USP26: variants seen among roughly 807,000 people sequenced by gnomAD.
USP26 encodes ubiquitin carboxyl-terminal hydrolase 26.
For missense variants in USP26, 649 were observed against 642.3 expected, an observed-to-expected ratio of 1.01 and a Z score of -0.11; for synonymous variants, 236 against 240.6, an observed-to-expected ratio of 0.98 and a Z score of 0.18.
At chrX:133,038,105 G>A (rs1056986267) in intron 5 of USP26, among the ~76,000 whole-genome samples, 1 of 111,482 alleles carries the variant, frequency 9.0e-6, no homozygotes, top group African/African-American at 3.3e-5. Context: ...AATCATGTCT[G>A]CAAACAGAGA....
At position 133,057,286 on chromosome X, in the gene USP26, A is replaced by T. The variant is rs11798796; in HGVS notation, c.-77+26421T>A. On this transcript the variant is annotated intron_variant, in intron 5 of 5. Transcript: ENST00000511190. Reference sequence around the variant, plus strand: ...GAAAGTTTTAGATTTTCTAAAACTAAAACTAATATACCACAGGATCAGTAG... The same window carrying T: ...GAAAGTTTTAGATTTTCTAAAACTATAACTAATATACCACAGGATCAGTAG... Among the ~76,000 whole-genome samples the T allele has an allele frequency of 4.9e-3, 550 of 111,837 alleles. 4 individuals are homozygous for T. Among genetic ancestry groups the T allele is most frequent in the Non-Finnish European group, 8.2e-3 (438 of 53,171 alleles).
chrX:133,046,164 G>A (rs1471428827), intron 5 of USP26, among the ~76,000 whole-genome samples: 1 of 111,459 alleles, frequency 9.0e-6, no homozygotes, highest in Non-Finnish European at 1.9e-5. Flanking sequence ...GATCAATCAG[G>A]GGTTGTTTGG....
At chrX:133,053,300 G>A (rs999606200) in intron 5 of USP26, among the ~76,000 whole-genome samples, 5 of 111,647 alleles carry the variant, frequency 4.5e-5, no homozygotes, top group Admixed American at 1.9e-4. Flanking sequence ...CACTTTGGGA[G>A]GCCAAGGCGG....
intron 5 of USP26, among the ~76,000 whole-genome samples, chrX:133,071,015 G>A (rs1354758777): frequency 1.8e-5 from 2 of 110,540 alleles, no homozygotes; most frequent in South Asian, 3.9e-4. Context: ...TCAGGAGTTC[G>A]GGACCAGCCT....
Position 133,026,909 on chromosome X carries a change from A to G in USP26, c.1312T>C (p.Phe438Leu), listed in dbSNP as rs1451895330. Residue 438 changes from phenylalanine to leucine, a missense_variant, in exon 6 of 6, where the codon TTT (phenylalanine) becomes CTT (leucine). Transcript: ENST00000511190. ...SGFSCPVITNFELELLHSIAC... is the reference protein window; with the variant it reads ...SGFSCPVITNLELELLHSIAC... ...ATGGAGTGCAACAACTCTAACTCAA[A>G]ATTAGTAATGACAGGGCAAGAAAAC... The G allele has an allele frequency of 8.3e-7, 1 of 1,209,722 alleles. No individual in the cohort carries two copies. Among genetic ancestry groups the G allele is most frequent in the African/African-American group, 1.7e-5 (1 of 57,170 alleles).
rs1404407510 is a variant in USP26, at chrX:133,026,727, T to C, written c.1494A>G (p.Lys498=). The C allele has an allele frequency of 8.3e-7, 1 of 1,207,736 alleles. No homozygotes were observed. Among genetic ancestry groups the C allele is most frequent in the African/African-American group, 1.8e-5 (1 of 56,793 alleles). ...GAEELEYKCA[K]CEHKTSVGVH... ...CTCCAACGGAAGTCTTGTGCTCACA[T>C]TTTGCACATTTATACTCAAGCTCTT... Residue 498 remains lysine, a synonymous_variant, in exon 6 of 6, where the codon AAA becomes AAG. Transcript: ENST00000511190.
chrX:133,081,237 A>T (rs1224758817), intron 5 of USP26, among the ~76,000 whole-genome samples: 1 of 111,104 alleles, frequency 9.0e-6, no homozygotes, highest in Non-Finnish European at 1.9e-5. Context: ...TTTCTGGGAT[A>T]AAAAAAATTG....
At position 133,035,762 on chromosome X, in the gene USP26, T is replaced by C. The variant is rs1602969820; in HGVS notation, c.-76-7466A>G. Among the ~76,000 whole-genome samples the C allele has an allele frequency of 2.7e-5, 3 of 112,191 alleles. No homozygotes were observed. In the East Asian group the frequency reaches 8.4e-4, roughly 32 times the overall value. ...CCTTTTAAGCAAATATCCACAATAA[T>C]GGATCAGCAGGTAAAGAGTAGAAAC... On this transcript the variant is annotated intron_variant, in intron 5 of 5. Transcript: ENST00000511190.
At chrX:133,050,598 A>T (rs1037890031) in intron 5 of USP26, among the ~76,000 whole-genome samples, 4 of 111,059 alleles carry the variant, frequency 3.6e-5, no homozygotes, top group Non-Finnish European at 7.6e-5. Flanking sequence ...TAAAGGTATA[A>T]TTTTTTTTTA....
intron 5 of USP26, among the ~76,000 whole-genome samples, chrX:133,049,532 T>G (rs2067451956): frequency 8.9e-6 from 1 of 112,289 alleles, no homozygotes; most frequent in Non-Finnish European, 1.9e-5. Context: ...AACCTATAGA[T>G]GCTTATCCTA....
intron 5 of USP26, among the ~76,000 whole-genome samples, chrX:133,061,788 T>G (rs2067494904): frequency 9.0e-6 from 1 of 111,625 alleles, no homozygotes; most frequent in Non-Finnish European, 1.9e-5. Context: ...GTTTCTGCAA[T>G]CCAGAGATCA....
At position 133,024,541 on chromosome X, in the gene USP26, A is replaced by T. The variant is rs779872072; in HGVS notation, c.*938T>A. The T allele has an allele frequency of 8.9e-6, 1 of 112,074 alleles. No individual in the cohort carries two copies. The highest frequency in any genetic ancestry group is 1.9e-5 in the Non-Finnish European group (1 of 53,249). 9.2% of individuals were successfully genotyped at this position (112,074 alleles called of 1,213,427 possible). A position where few individuals can be genotyped will look rare whatever the true frequency, so the allele number is the denominator to read the frequency against. ...CGTTTAGCCTCATCTATATATGCCC[A>T]AGAGGATTCAAAAGTTATCAGCCTC... On this transcript the variant is annotated 3_prime_UTR_variant, in exon 6 of 6. Coordinates refer to ENST00000511190, the MANE Select transcript of USP26 (RefSeq NM_031907.3).
chrX:133,080,541 C>T (rs1194732548), intron 5 of USP26, among the ~76,000 whole-genome samples: 3 of 111,243 alleles, frequency 2.7e-5, no homozygotes, highest in Non-Finnish European at 5.7e-5. Context: ...CTAAGTAACA[C>T]AACTCCCCAA....
At chrX:133,051,645 T>C (rs1284140981) in intron 5 of USP26, among the ~76,000 whole-genome samples, 2 of 112,040 alleles carry the variant, frequency 1.8e-5, no homozygotes, top group Non-Finnish European at 3.8e-5. Flanking sequence ...CACAAGAGCA[T>C]TGATCCTTAA....
intron 5 of USP26, among the ~76,000 whole-genome samples, chrX:133,031,049 C>T (rs1037452866): frequency 1.3e-4 from 14 of 111,678 alleles, no homozygotes; most frequent in South Asian, 3.8e-4. Context: ...AGGTTAAGGT[C>T]AAGATATATG....
chrX:133,027,151 T>C lies in USP26; in HGVS notation c.1070A>G (p.Lys357Arg), dbSNP rs760777377. The C allele has an allele frequency of 8.3e-7, 1 of 1,208,884 alleles. No individual in the cohort carries two copies. The highest frequency in any genetic ancestry group is 2.2e-5 in the Admixed American group (1 of 45,615). Reference protein sequence around the residue: ...FFKDTYNIEIKEMLLLNLKKA... With the variant: ...FFKDTYNIEIREMLLLNLKKA... Reference sequence around the variant, plus strand: ...TTTAAGATTCAAGAGTAACATCTCCTTGATTTCTATATTATAGGTATCTTT... The same window carrying C: ...TTTAAGATTCAAGAGTAACATCTCCCTGATTTCTATATTATAGGTATCTTT... The change falls in exon 6 of 6, where the codon AAG becomes AGG. Residue 357 changes from lysine (K) to arginine (R), a missense_variant. Lys to Arg is a conservative substitution (Grantham distance 26). Coordinates refer to ENST00000511190, the MANE Select transcript of USP26 (RefSeq NM_031907.3).
chrX:133,045,545 A>G (rs985198922), intron 5 of USP26, among the ~76,000 whole-genome samples: 5 of 112,020 alleles, frequency 4.5e-5, no homozygotes, highest in African/African-American at 1.6e-4. Context: ...ATGAGCTGTA[A>G]CATTCATCGC....
At chrX:133,094,309 A>C (rs969910513) in intron 1 of USP26, among the ~76,000 whole-genome samples, 1 of 111,101 alleles carries the variant, frequency 9.0e-6, no homozygotes, top group African/African-American at 3.3e-5. Context: ...CCAGCCAGGA[A>C]GCGAGCAGAA....
intron 5 of USP26, among the ~76,000 whole-genome samples, chrX:133,073,006 G>T (rs1414606740): frequency 8.9e-6 from 1 of 111,872 alleles, no homozygotes; most frequent in Non-Finnish European, 1.9e-5. Context: ...TTTTCGTAGA[G>T]TCCCTTTAAA....
Sources: gnomAD v4.1 joint callset for allele counts (sites outside exome capture counted in the v4.1 genomes callset) on GRCh38, gnomAD v4.1.1 for gene constraint, MANE v1.5 for transcripts, NCBI Gene and HGNC (gene_info 2026-07-23, HGNC 2026-07-21) for gene names.